SCARB2: variants seen among roughly 807,000 people sequenced by gnomAD.
The protein encoded by SCARB2 is lysosome membrane protein 2.
In SCARB2, 29 loss-of-function variants were observed where a neutral mutation model predicts 58.6. The observed-to-expected ratio is 0.49, with a 90% CI of 0.37 to 0.67. The LOEUF (loss-of-function observed/expected upper bound fraction) is 0.67. Among genes scored for constraint, SCARB2 ranks in the 30% least tolerant of loss-of-function variants. SCARB2 has a pLI of 0.00. For synonymous variants in SCARB2, 195 were observed against 210.1 expected (o/e 0.93, Z 0.62); for missense variants, 488 against 578.5 (o/e 0.84, Z 1.60).
rs112460537 is a variant in SCARB2 at position 76,205,578 on chromosome 4, A to G, written c.117+7849T>C. Among the ~76,000 whole-genome samples, 199 of 152,308 alleles carry G rather than the reference A, an allele frequency of 1.3e-3. 2 individuals carry two copies. Among genetic ancestry groups the G allele is most frequent in the African/African-American group, 4.4e-3 (182 of 41,556 alleles). On this transcript the variant is annotated intron_variant, in intron 1 of 11. Coordinates refer to ENST00000264896, the MANE Select transcript of SCARB2 (RefSeq NM_005506.4). The stretch of plus-strand genomic sequence containing the variant: ...ACTTGTCAATTAAAAAATGAATTTT[A>G]AAAAATGGGACTTGTGATGAGTGAT...
chr4:76,213,333 T>A, intron 1 of SCARB2, 94 bp downstream of exon 1: 1 of 865,362 alleles, frequency 1.2e-6, no homozygotes, highest in Non-Finnish European at 1.9e-6. Context: ...AGGGTCTGCC[T>A]GAGTGCTGGT....
At chr4:76,181,184 A>C (rs1278940078) in intron 2 of SCARB2, 83 bp from the exon 3 acceptor site, 112 of 1,331,940 alleles carry the variant, frequency 8.4e-5, no homozygotes, top group Non-Finnish European at 1.1e-4. Flanking sequence ...CATCCAAGTT[A>C]TATTTTCAAT....
intron 1 of SCARB2, among the ~76,000 whole-genome samples, chr4:76,232,976 T>C (rs1051093081): frequency 1.3e-5 from 2 of 152,220 alleles, no homozygotes; most frequent in African/African-American, 4.8e-5. Flanking sequence ...TTAATTTCCA[T>C]AATTCTTGCA....
chr4:76,192,197 G>C (rs77249572), intron 2 of SCARB2: 4,218 of 152,340 alleles, frequency 0.028, 152 homozygotes, highest in African/African-American at 0.087. Context: ...GGGCAGAGAA[G>C]GGAAGAGTTT....
rs575372109 is a variant in SCARB2, at chr4:76,213,009, C to T, written c.117+418G>A. 32 of 283,434 alleles carry T rather than the reference C, an allele frequency of 1.1e-4. 1 individual carries two copies. The highest frequency in any genetic ancestry group is 9.9e-4 in the South Asian group (30 of 30,374). The allele number at this position is 283,434 out of a possible 1,614,324, so 17.6% of individuals were successfully genotyped here. A position where few individuals can be genotyped will look rare whatever the true frequency, so the allele number is the denominator to read the frequency against. ...CGCACACCCACGTCTCATCCCCAGG[C>T]GCACACCACTTCAAAGGCTACAGCA... On this transcript the variant is annotated intron_variant, in intron 1 of 11. Coordinates refer to ENST00000264896, the MANE Select transcript of SCARB2 (RefSeq NM_005506.4).
upstream of SCARB2, chr4:76,214,416 A>G: frequency 2.4e-6 from 1 of 418,444 alleles, no homozygotes; most frequent in Non-Finnish European, 4.8e-6. Context: ...TTTCACGGAG[A>G]AGGAAACGGT....
At chr4:76,181,199 C>CTTGG in intron 2 of SCARB2, 98 bp from the exon 3 acceptor site, 1 of 1,229,242 alleles carries the variant, frequency 8.1e-7, no homozygotes, top group Non-Finnish European at 1.2e-6. Context: ...TTCAATATAA[C>CTTGG]ATTCCCAATA....
intron 2 of SCARB2, among the ~76,000 whole-genome samples, chr4:76,188,093 GA>G (rs1016049860): frequency 6.6e-6 from 1 of 152,138 alleles, no homozygotes; most frequent in Non-Finnish European, 1.5e-5. Flanking sequence ...AAATTAATTG[GA>G]AGTGCCCTTA....
intron 11 of SCARB2, 56 bp downstream of exon 11, chr4:76,163,169 G>C: frequency 6.2e-7 from 1 of 1,605,804 alleles, no homozygotes; most frequent in South Asian, 1.1e-5. Context: ...AAGTACAGTT[G>C]AATTCCTCAG....
At chr4:76,165,548 T>A (rs1281229995) in intron 10 of SCARB2, 1 of 152,180 alleles carries the variant, frequency 6.6e-6, no homozygotes, top group Non-Finnish European at 1.5e-5. Context: ...CCTTTTAAAG[T>A]TGTTATTGGA....
rs527369553 is a variant in SCARB2, at chr4:76,172,205, T to C, written c.994+1939A>G. On this transcript the variant is annotated intron_variant, in intron 7 of 11. Transcript: ENST00000264896. ...GAAAAATACTTTTGTCAGTTGTATA[T>C]ATATATGTATATATACACATATATA... is the stretch of plus-strand genomic sequence containing the variant. Among the ~76,000 whole-genome samples the C allele has an allele frequency of 3.5e-5, 5 of 140,936 alleles. No homozygotes were observed. In the South Asian group the frequency reaches 8.4e-4, roughly 24 times the overall value. The allele number at this position is 140,936 out of a possible 152,430, so 92.5% of individuals were successfully genotyped here. A position where few individuals can be genotyped will look rare whatever the true frequency, so the allele number is the denominator to read the frequency against.
chr4:76,224,343 G>C (rs1733359505), intron 1 of SCARB2, among the ~76,000 whole-genome samples: 1 of 152,112 alleles, frequency 6.6e-6, no homozygotes, highest in African/African-American at 2.4e-5. Flanking sequence ...TTGCAACTTA[G>C]AGCCAGGCAC....
intron 1 of SCARB2, among the ~76,000 whole-genome samples, chr4:76,201,475 C>T (rs574843728): frequency 2.6e-5 from 4 of 152,278 alleles, no homozygotes; most frequent in African/African-American, 9.6e-5. Context: ...GATACCGCAG[C>T]GTAGAGCACA....
Position 76,198,894 on chromosome 4 carries a change from T to C in SCARB2, c.118-3030A>G, listed in dbSNP as rs1015417905. On this transcript the variant is annotated intron_variant, in intron 1 of 11. Coordinates refer to ENST00000264896, the MANE Select transcript of SCARB2 (RefSeq NM_005506.4). The stretch of plus-strand genomic sequence containing the variant: ...TGTGTGCTCATGCGAATGCACTAAG[T>C]AGGAAGAGAGATGGGGAATGAGAGA... Among the ~76,000 whole-genome samples the C allele has an allele frequency of 2.0e-5, 3 of 150,840 alleles. No individual in the cohort carries two copies. The East Asian group carries it at 5.8e-4, about 29-fold the overall frequency.
intron 1 of SCARB2, among the ~76,000 whole-genome samples, chr4:76,222,153 ACT>A (rs1733320488): frequency 1.3e-5 from 2 of 152,148 alleles, no homozygotes; most frequent in African/African-American, 4.8e-5. Flanking sequence ...GGTACAAAAT[ACT>A]ACTTTTAAAT....
At position 76,161,123 on chromosome 4, in the gene SCARB2, C is replaced by A. The variant is rs1328233449; in HGVS notation, c.*590G>T. ...TTTGATTCTACCCAGTATTTTATTG[C>A]AGTTGGAAGACTGAGTTTTCCTGGA... On this transcript the variant is annotated 3_prime_UTR_variant, in exon 12 of 12. Coordinates refer to ENST00000264896, the MANE Select transcript of SCARB2 (RefSeq NM_005506.4). The A allele has an allele frequency of 1.3e-5, 2 of 156,980 alleles. No individual in the cohort carries two copies. The highest frequency in any genetic ancestry group is 6.1e-5 in the Admixed American group (1 of 16,306). The allele number at this position is 156,980 out of a possible 1,614,324, so 9.7% of individuals were successfully genotyped here. A position where few individuals can be genotyped will look rare whatever the true frequency, so the allele number is the denominator to read the frequency against.
At chr4:76,202,223 G>T (rs1163895489) in intron 1 of SCARB2, among the ~76,000 whole-genome samples, 1 of 152,144 alleles carries the variant, frequency 6.6e-6, no homozygotes, top group African/African-American at 2.4e-5. Flanking sequence ...ATTCACAAAT[G>T]ATGCTACTGA....
At chr4:76,204,426 T>G (rs1246527019) in intron 1 of SCARB2, among the ~76,000 whole-genome samples, 1 of 152,202 alleles carries the variant, frequency 6.6e-6, no homozygotes, top group African/African-American at 2.4e-5. Context: ...AGCTCATGGG[T>G]GAACTGTACT....
At position 76,174,136 on chromosome 4, in the gene SCARB2, G is replaced by T; in HGVS notation, c.994+8C>A. 1 of 1,613,410 alleles carries T rather than the reference G, an allele frequency of 6.2e-7. No individual in the cohort carries two copies. The highest frequency in any genetic ancestry group is 8.5e-7 in the Non-Finnish European group (1 of 1,179,994). On this transcript the variant is annotated splice_region_variant and intron_variant, in intron 7 of 11. Coordinates refer to ENST00000264896, the MANE Select transcript of SCARB2 (RefSeq NM_005506.4). The stretch of plus-strand genomic sequence containing the variant: ...CACCCCTATCATGTCCCCTCTCTGA[G>T]TTCTTACCATTCTTGCAGATGCTGA...
Sources: gnomAD v4.1 joint callset for allele counts (sites outside exome capture counted in the v4.1 genomes callset) on GRCh38, gnomAD v4.1.1 for gene constraint, MANE v1.5 for transcripts, NCBI Gene and HGNC (gene_info 2026-07-23, HGNC 2026-07-21) for gene names.